The following PPP1R9A variants were observed in gnomAD, a reference collection of about 807,000 sequenced individuals.
The protein encoded by PPP1R9A is protein phosphatase 1 regulatory subunit 9A.
In PPP1R9A, 59 loss-of-function variants were observed where a neutral mutation model predicts 141.9. The ratio of observed to expected loss-of-function variants is 0.42; its 90% CI spans 0.34 to 0.52. The LOEUF is 0.52. PPP1R9A is among the 20% of genes least tolerant of loss of function. The probability of loss-of-function intolerance (pLI) is 0.10; values close to 1 mark genes in which losing one functional copy is unlikely to be tolerated. For synonymous variants in PPP1R9A, 500 were observed against 569.7 expected (o/e 0.88, Z 1.74); for missense variants, 1,444 against 1,611.9 (o/e 0.90, Z 1.78).
At position 94,925,489 on chromosome 7, in the gene PPP1R9A, G is replaced by C. The variant is rs140149669; in HGVS notation, c.1395+13981G>C. Among the ~76,000 whole-genome samples, 34 of 150,960 alleles carry C rather than the reference G, an allele frequency of 2.3e-4. No homozygotes were observed. The East Asian group carries it at 4.3e-3, about 19-fold the overall frequency. On this transcript the variant is annotated intron_variant, in intron 2 of 19. Coordinates refer to ENST00000433360, the MANE Select transcript of PPP1R9A (RefSeq NM_001166160.2). ...CATTTTTCCCCCCACATGTCTTAGT[G>C]GGGGAGTTGGTTCCTCTCTCCCTCT...
intron 2 of PPP1R9A, among the ~76,000 whole-genome samples, chr7:95,041,230 C>T (rs113549148): frequency 6.4e-4 from 98 of 152,196 alleles, no homozygotes; most frequent in African/African-American, 2.2e-3. Flanking sequence ...CATTAGTAGA[C>T]GAATCTCAAA....
intron 2 of PPP1R9A, among the ~76,000 whole-genome samples, chr7:94,935,984 G>C (rs893552344): frequency 1.3e-5 from 2 of 152,124 alleles, no homozygotes; most frequent in African/African-American, 4.8e-5. Flanking sequence ...ATTGATAGTA[G>C]TAAAGTAAAT....
At chr7:95,244,761 A>G (rs1280660133) in intron 8 of PPP1R9A, among the ~76,000 whole-genome samples, 1 of 152,114 alleles carries the variant, frequency 6.6e-6, no homozygotes, top group African/African-American at 2.4e-5. Context: ...AAGCTGGGGT[A>G]ATCATATTTG....
chr7:95,288,516 A>G lies in PPP1R9A; in HGVS notation c.3730-20A>G, dbSNP rs1226160587. The G allele has an allele frequency of 6.2e-7, 1 of 1,612,230 alleles. No homozygotes were observed. The highest frequency in any genetic ancestry group is 8.5e-7 in the Non-Finnish European group (1 of 1,179,148). On this transcript the variant is annotated intron_variant, in intron 18 of 19. Coordinates refer to ENST00000433360, the MANE Select transcript of PPP1R9A (RefSeq NM_001166160.2). ...AGTATCTTGGTCCTTTAACAACACT[A>G]CGTAACATTCCTATCTTAGATCCTT...
At chr7:95,093,775 T>C (rs2152353205) in intron 2 of PPP1R9A, among the ~76,000 whole-genome samples, 1 of 152,336 alleles carries the variant, frequency 6.6e-6, no homozygotes, top group Non-Finnish European at 1.5e-5. Flanking sequence ...TCATGTCTTC[T>C]AGAATACAGC....
intron 2 of PPP1R9A, among the ~76,000 whole-genome samples, chr7:95,110,097 C>G (rs1820287586): frequency 6.6e-6 from 1 of 152,078 alleles, no homozygotes; most frequent in Admixed American, 6.5e-5. Flanking sequence ...ACAAATGATA[C>G]TATTTAAGAA....
rs573277637 is a variant in PPP1R9A, at chr7:95,018,294, A to G, written c.1396-92965A>G. 1.3e-5 allele frequency: 3 copies of G among 230,964 alleles called. No homozygotes were observed. The South Asian group carries it at 2.4e-4, about 18-fold the overall frequency. The allele number at this position is 230,964 out of a possible 1,614,324, so 14.3% of individuals were successfully genotyped here. On this transcript the variant is annotated intron_variant, in intron 2 of 19. Coordinates refer to ENST00000433360, the MANE Select transcript of PPP1R9A (RefSeq NM_001166160.2). ...TTACTCAGGCCCAGATGAGCAGCAC[A>G]TTTCTTGCCAACAATCATTAAATGT...
chr7:95,178,622 A>G (rs530732891), intron 5 of PPP1R9A, among the ~76,000 whole-genome samples: 3 of 152,280 alleles, frequency 2.0e-5, no homozygotes, highest in South Asian at 2.1e-4. Flanking sequence ...AAATTGATAG[A>G]CCATTAGCAA....
At chr7:94,920,642 G>T (rs1792677033) in intron 2 of PPP1R9A, among the ~76,000 whole-genome samples, 1 of 152,214 alleles carries the variant, frequency 6.6e-6, no homozygotes, top group Non-Finnish European at 1.5e-5. Context: ...AGTCAGATGA[G>T]TTTTGTGCCG....
chr7:95,007,231 T>G (rs749415475), intron 2 of PPP1R9A, among the ~76,000 whole-genome samples: 2 of 152,182 alleles, frequency 1.3e-5, no homozygotes, highest in Non-Finnish European at 2.9e-5. Context: ...TGCCATAGAT[T>G]GTAAATTATT....
chr7:95,156,870 G>C (rs1468595297), intron 4 of PPP1R9A: 2 of 152,396 alleles, frequency 1.3e-5, no homozygotes, highest in Admixed American at 1.3e-4. Flanking sequence ...ATCTTCTGCT[G>C]TCAGCAGAAA....
rs777785173 is a variant in PPP1R9A, at chr7:95,156,193, G to A, written c.1650-5674G>A. 189 of 152,636 alleles carry A rather than the reference G, an allele frequency of 1.2e-3. 1 individual carries two copies. Among genetic ancestry groups the A allele is most frequent in the Non-Finnish European group, 2.2e-3 (153 of 68,308 alleles). The allele number at this position is 152,636 out of a possible 1,614,324, so 9.5% of individuals were successfully genotyped here. A position where few individuals can be genotyped will look rare whatever the true frequency, so the allele number is the denominator to read the frequency against. The stretch of plus-strand genomic sequence containing the variant: ...GACATGCCGGCTGCTGCAATGGGGC[G>A]GGCAGTTACAGGTGCTGGCACAGGC... On this transcript the variant is annotated intron_variant, in intron 4 of 19. Coordinates refer to ENST00000433360, the MANE Select transcript of PPP1R9A (RefSeq NM_001166160.2).
intron 4 of PPP1R9A, among the ~76,000 whole-genome samples, chr7:95,134,688 G>GC (rs1156513117): frequency 1.3e-5 from 2 of 152,080 alleles, no homozygotes; most frequent in African/African-American, 4.8e-5. Context: ...ACCCACCTTG[G>GC]CCCCCCAAAG....
At chr7:95,026,417 A>G (rs1563138190) in intron 2 of PPP1R9A, among the ~76,000 whole-genome samples, 1 of 152,224 alleles carries the variant, frequency 6.6e-6, no homozygotes, top group Admixed American at 6.5e-5. Context: ...GCTGCAGATC[A>G]GCAAAGATTG....
intron 2 of PPP1R9A, among the ~76,000 whole-genome samples, chr7:94,972,556 C>T (rs13242203): frequency 0.091 from 13,822 of 152,016 alleles, 699 homozygotes; most frequent in East Asian, 0.15. Context: ...AGCATTATCC[C>T]GTGAATAATA....
At chr7:95,136,849 C>T (rs1197041877) in intron 4 of PPP1R9A, among the ~76,000 whole-genome samples, 2 of 152,134 alleles carry the variant, frequency 1.3e-5, no homozygotes, top group African/African-American at 2.4e-5. Context: ...ACTCTGTCTG[C>T]TTAAAGAGAC....
intron 2 of PPP1R9A, among the ~76,000 whole-genome samples, chr7:95,070,014 C>T (rs887510416): frequency 1.3e-5 from 2 of 152,252 alleles, no homozygotes; most frequent in African/African-American, 4.8e-5. Flanking sequence ...TTCTTATTGT[C>T]TTCAAGCATT....
At chr7:94,994,891 A>C (rs1390632764) in intron 2 of PPP1R9A, among the ~76,000 whole-genome samples, 1 of 144,042 alleles carries the variant, frequency 6.9e-6, no homozygotes, top group Non-Finnish European at 1.5e-5. Context: ...ACTCCGTCTC[A>C]AAAAAAAAAA....
chr7:95,217,351 G>A (rs924800885), intron 7 of PPP1R9A, among the ~76,000 whole-genome samples: 54 of 152,142 alleles, frequency 3.5e-4, no homozygotes, highest in African/African-American at 1.3e-3. Context: ...TTTTTGATGT[G>A]CTGCTGGATT....
Sources: allele counts gnomAD v4.1 joint callset (sites outside exome capture counted in the v4.1 genomes callset), GRCh38; gene constraint gnomAD v4.1.1; transcripts MANE v1.5; gene names NCBI Gene and HGNC (gene_info 2026-07-23, HGNC 2026-07-21).